The following RETSAT variants were observed in gnomAD, a reference collection of about 807,000 sequenced individuals.
The protein encoded by RETSAT is retinol saturase.
Under a neutral mutation model 61.6 loss-of-function variants are expected in RETSAT, and 35 were observed. The observed-to-expected ratio is 0.57, with a 90% CI of 0.43 to 0.75. The LOEUF (loss-of-function observed/expected upper bound fraction) is 0.75. Among genes scored for constraint, RETSAT ranks in the 30% least tolerant of loss-of-function variants. The pLI is 0.00. For missense variants in RETSAT, 670 were observed against 759.5 expected (o/e 0.88, Z 1.38); for synonymous variants, 277 against 310.4 (o/e 0.89, Z 1.13).
rs1446367468 is a variant in RETSAT, at chr2:85,343,716, T to C, written c.1616A>G (p.His539Arg). The change falls in exon 10 of 11, where the codon CAT becomes CGT. Residue 539 changes from histidine to arginine, a missense_variant. By Grantham distance (29) the His-to-Arg change is conservative. Coordinates refer to ENST00000295802, the MANE Select transcript of RETSAT (RefSeq NM_017750.4). ...ACAAGGGTGCAGGCGGCCCAGGTCA[T>C]GGTCAGCCCCGTAGCAGGCACCTCG... ...APRGACYGAD[H>R]DLGRLHPCVM... 10 of 1,613,950 alleles carry C rather than the reference T, an allele frequency of 6.2e-6. No individual in the cohort carries two copies. Among genetic ancestry groups the C allele is most frequent in the African/African-American group, 5.3e-5 (4 of 74,924 alleles).
chr2:85,343,910 A>G, intron 9 of RETSAT, 89 bp downstream of exon 9: 5 of 1,586,254 alleles, frequency 3.2e-6, no homozygotes, highest in South Asian at 1.1e-5. Flanking sequence ...CCTGGGGCTC[A>G]TGTCTTGGGG....
chr2:85,347,657 T>C (rs897669167), intron 5 of RETSAT, among the ~76,000 whole-genome samples: 12 of 152,256 alleles, frequency 7.9e-5, no homozygotes. Flanking sequence ...CATGAGCCAC[T>C]GCGCCCGGCC....
At position 85,346,585 on chromosome 2, in the gene RETSAT, C is replaced by G. The variant is rs141371481; in HGVS notation, c.998-491G>C. ...CTAGCCTGGGCAACATAGTGAGACC[C>G]TGTCTCTATAGAACAAAAAAATTTA... On this transcript the variant is annotated intron_variant, in intron 5 of 10. Transcript: ENST00000295802. 1.5e-3 allele frequency among the ~76,000 whole-genome samples: 224 copies of G among 152,110 alleles called. 1 individual carries two copies. The highest frequency in any genetic ancestry group is 5.3e-3 in the African/African-American group (219 of 41,474).
intron 5 of RETSAT, among the ~76,000 whole-genome samples, chr2:85,346,971 T>C (rs1340454480): frequency 6.6e-6 from 1 of 152,154 alleles, no homozygotes; most frequent in African/African-American, 2.4e-5. Context: ...AACCATTTCT[T>C]ACCTACAAAA....
chr2:85,353,560 C>T (rs940736191), intron 1 of RETSAT, among the ~76,000 whole-genome samples: 2 of 152,218 alleles, frequency 1.3e-5, no homozygotes, highest in Admixed American at 6.5e-5. Context: ...CAGGTAGGTG[C>T]TAATGGTTAT....
intron 5 of RETSAT, among the ~76,000 whole-genome samples, chr2:85,348,537 C>T (rs1338772751): frequency 2.2e-5 from 3 of 138,814 alleles, no homozygotes; most frequent in Non-Finnish European, 4.6e-5. Context: ...GAGGCTGAGG[C>T]GGGAGAATGG....
rs575059992 is a variant in RETSAT, at chr2:85,342,102, G to A, written c.*1140C>T. ...ACCAAAATAAATTTCAAATGTTAAA[G>A]CAATGGAATCAATAAATTTATTAAT... On this transcript the variant is annotated 3_prime_UTR_variant, in exon 11 of 11. Transcript: ENST00000295802. The A allele has an allele frequency of 2.9e-5, 10 of 350,460 alleles. No homozygotes were observed. In the East Asian group the frequency reaches 4.7e-4, roughly 16 times the overall value. The allele number at this position is 350,460 out of a possible 1,614,324, so 21.7% of individuals were successfully genotyped here. A position where few individuals can be genotyped will look rare whatever the true frequency, so the allele number is the denominator to read the frequency against.
Position 85,346,008 on chromosome 2 carries a change from G to T in RETSAT, c.1084C>A (p.His362Asn). The stretch of plus-strand genomic sequence containing the variant: ...CAGCGGGCGTTCCCCGGCAGTAGGT[G>T]TTCATAGGTGTTGAACAGTCCTGCG... ...SNAGLFNTYE[H>N]LLPGNARCLP... is the part of the protein sequence containing the mutation. The change falls in exon 6 of 11, where the codon CAC becomes AAC. Residue 362 changes from histidine to asparagine, a missense_variant. By Grantham distance (68) the His-to-Asn change is moderately conservative. Coordinates refer to ENST00000295802, the MANE Select transcript of RETSAT (RefSeq NM_017750.4). 1.2e-6 allele frequency: 2 copies of T among 1,614,202 alleles called. No homozygotes were observed. The highest frequency in any genetic ancestry group is 1.7e-6 in the Non-Finnish European group (2 of 1,180,038).
At chr2:85,353,153 G>A (rs1257856868) in intron 1 of RETSAT, among the ~76,000 whole-genome samples, 2 of 152,172 alleles carry the variant, frequency 1.3e-5, no homozygotes, top group Non-Finnish European at 1.5e-5. Flanking sequence ...CTATTCTACT[G>A]CATTCTAAAA....
Position 85,349,483 on chromosome 2 carries a change from C to T in RETSAT, c.898G>A (p.Ala300Thr), listed in dbSNP as rs757739295. The change falls in exon 5 of 11, where the codon GCC (alanine) becomes ACC (threonine). Residue 300 changes from alanine to threonine, a missense_variant. Transcript: ENST00000295802. ...TGAATCACAGGGATGGTGTGGAAGG[C>T]AATTTCACTGGAACCCCCTCGGGGA... Reference protein sequence around the residue: ...FYPRGGSSEIAFHTIPVIQRA... With the variant: ...FYPRGGSSEITFHTIPVIQRA... 2.7e-5 allele frequency: 43 copies of T among 1,614,062 alleles called. No homozygotes were observed. Among genetic ancestry groups the T allele is most frequent in the Non-Finnish European group, 3.5e-5 (41 of 1,180,020 alleles).
In RETSAT at chr2:85,349,329, TC is replaced by T. The variant is rs1683258904; in HGVS notation, c.997+54del. On this transcript the variant is annotated intron_variant, in intron 5 of 10. Transcript: ENST00000295802. ...CTTCTGGTCTCAGGGAGACCCCAGG[TC>T]TCGCCCACACCAACCCAGGGACCCA... 16 of 1,041,260 alleles carry T rather than the reference TC, an allele frequency of 1.5e-5. No individual in the cohort carries two copies. The East Asian group carries it at 2.7e-4, about 18-fold the overall frequency. 64.5% of individuals were successfully genotyped at this position (1,041,260 alleles called of 1,614,324 possible).
chr2:85,349,242 G>T, intron 5 of RETSAT, 142 bp downstream of exon 5: 1 of 733,640 alleles, frequency 1.4e-6, no homozygotes, highest in Non-Finnish European at 2.3e-6. Context: ...CACTATCCCT[G>T]GACCCTGCTC....
chr2:85,344,750 T>C lies in RETSAT; in HGVS notation c.1118-18A>G. ...CTTCACACCTGCCAGGGGGAGTGGTTGGTGCCTGTGTGGACCATGGCCGGA... is the reference window on the plus strand; with the variant it reads ...CTTCACACCTGCCAGGGGGAGTGGTCGGTGCCTGTGTGGACCATGGCCGGA... On this transcript the variant is annotated intron_variant, in intron 6 of 10. Coordinates refer to ENST00000295802, the MANE Select transcript of RETSAT (RefSeq NM_017750.4). 6.2e-7 allele frequency: 1 copy of C among 1,613,262 alleles called. No homozygotes were observed. Among genetic ancestry groups the C allele is most frequent in the South Asian group, 1.1e-5 (1 of 90,974 alleles).
chr2:85,349,326 AG>A, intron 5 of RETSAT, 57 bp downstream of exon 5: 1 of 1,475,872 alleles, frequency 6.8e-7, no homozygotes, highest in East Asian at 2.3e-5. Flanking sequence ...GGGAGACCCC[AG>A]GTCTCGCCCA....
rs1683382724 is a variant in RETSAT, at chr2:85,354,218, C to T, written c.172+118G>A. ...CACGTGCAAGGAAGCCCTCCTAGTA[C>T]TTTACATATGGGGAAACTAAGGCCC... On this transcript the variant is annotated intron_variant, in intron 1 of 10. Coordinates refer to ENST00000295802, the MANE Select transcript of RETSAT (RefSeq NM_017750.4). 9.0e-5 allele frequency: 101 copies of T among 1,126,994 alleles called. 1 individual carries two copies. In the South Asian group the frequency reaches 1.4e-3, roughly 15 times the overall value. The allele number at this position is 1,126,994 out of a possible 1,614,324, so 69.8% of individuals were successfully genotyped here.
At position 85,349,544 on chromosome 2, in the gene RETSAT, G is replaced by T; in HGVS notation, c.837C>A (p.Ala279=). 6.2e-7 allele frequency: 1 copy of T among 1,614,196 alleles called. No homozygotes were observed. The highest frequency in any genetic ancestry group is 8.5e-7 in the Non-Finnish European group (1 of 1,180,036). Residue 279 remains alanine, a synonymous_variant, in exon 5 of 11, where the codon GCC becomes GCA. Transcript: ENST00000295802. ...TPNHSAFSMH[A]LLVNHYMKGG... The stretch of plus-strand genomic sequence containing the variant: ...CTTTCATGTAGTGGTTGACCAGCAG[G>T]GCGTGCATGGAAAAGGCACTGTGGT...
chr2:85,350,712 TCCA>T, intron 3 of RETSAT, 65 bp downstream of exon 3: 2 of 1,592,380 alleles, frequency 1.3e-6, no homozygotes, highest in Non-Finnish European at 1.7e-6. Flanking sequence ...CCCCAGTGCC[TCCA>T]CTAATAATAA....
rs766460107 is a variant in RETSAT, at chr2:85,351,724, C to A, written c.311G>T (p.Gly104Val). 30 of 1,614,062 alleles carry A rather than the reference C, an allele frequency of 1.9e-5. No homozygotes were observed. Among genetic ancestry groups the A allele is most frequent in the Non-Finnish European group, 2.4e-5 (28 of 1,180,036 alleles). The change falls in exon 2 of 11, where the codon GGC becomes GTC. Residue 104 changes from glycine to valine, a missense_variant. Gly to Val is a moderately radical substitution (Grantham distance 109, BLOSUM62 -3). Coordinates refer to ENST00000295802, the MANE Select transcript of RETSAT (RefSeq NM_017750.4). ...ATTCTTTCCAAAGGTATGACAGCAGCCCCCTGCCTTGGTATGTTGTTCCAG... is the reference window on the plus strand; with the variant it reads ...ATTCTTTCCAAAGGTATGACAGCAGACCCCTGCCTTGGTATGTTGTTCCAG... Reference protein sequence around the residue: ...LVLEQHTKAGGCCHTFGKNGL... With the variant: ...LVLEQHTKAGVCCHTFGKNGL...
At chr2:85,349,697 T>G (rs1558683394) in intron 4 of RETSAT, 116 bp from the exon 5 acceptor site, 1 of 895,738 alleles carries the variant, frequency 1.1e-6, no homozygotes, top group Non-Finnish European at 1.8e-6. Flanking sequence ...GAACCACATG[T>G]TCCTCAGGGT....
Sources: gnomAD v4.1 joint callset for allele counts (sites outside exome capture counted in the v4.1 genomes callset) on GRCh38, gnomAD v4.1.1 for gene constraint, MANE v1.5 for transcripts, NCBI Gene and HGNC (gene_info 2026-07-23, HGNC 2026-07-21) for gene names.